Variants in TAF8 observed in about 807,000 individuals in gnomAD.
The protein encoded by TAF8 is TATA-box binding protein associated factor 8, also known as transcription initiation factor TFIID subunit 8.
A neutral mutation model predicts 36.5 loss-of-function variants in TAF8; 47 were observed. The ratio of observed to expected loss-of-function variants is 1.29; its 90% CI spans 1.02 to 1.64. TAF8 has a LOEUF of 1.64. Among genes scored for constraint, TAF8 ranks in the 40% most tolerant of loss-of-function variants. The pLI is 0.00. For missense variants in TAF8, 420 were observed against 407.6 expected, an observed-to-expected ratio of 1.03 and a Z score of -0.26; for synonymous variants, 175 against 159.5, an observed-to-expected ratio of 1.10 and a Z score of -0.73.
In TAF8 at chr6:42,058,983, C is replaced by G. The variant is rs533209260; in HGVS notation, c.489+1470C>G. 7.2e-5 allele frequency among the ~76,000 whole-genome samples: 11 copies of G among 152,146 alleles called. No individual in the cohort carries two copies. In the South Asian group the frequency reaches 1.0e-3, roughly 14 times the overall value. On this transcript the variant is annotated intron_variant, in intron 5 of 8. Coordinates refer to ENST00000372977, the MANE Select transcript of TAF8 (RefSeq NM_138572.3). ...GGGGGAGACTGGAGTTTTATTATTACTCAAATCAGTCTTCCCCAGCATTCG... is the reference window on the plus strand; with the variant it reads ...GGGGGAGACTGGAGTTTTATTATTAGTCAAATCAGTCTTCCCCAGCATTCG...
rs1272525469 is a variant in TAF8, at chr6:42,057,504, C to T, written c.480C>T (p.Ile160=). The T allele has an allele frequency of 3.7e-6, 6 of 1,614,010 alleles. No individual in the cohort carries two copies. The South Asian group carries it at 6.6e-5, about 18-fold the overall frequency. Residue 160 remains isoleucine, a synonymous_variant, in exon 5 of 9, where the codon ATC becomes ATT. Transcript: ENST00000372977. The part of the protein sequence containing the change: ...FPEFPDPHTY[I]KTPTYREPVS... ...AGTTCCCTGATCCCCACACCTACAT[C>T]AAAACTCCGGTGAGTGATGAAGCAC...
downstream of TAF8, chr6:42,087,205 C>T: frequency 5.3e-6 from 1 of 188,882 alleles, no homozygotes; most frequent in Non-Finnish European, 1.1e-5. Context: ...CCTGCTTCTC[C>T]TCACAGGGCC....
At chr6:42,070,496 G>T (rs756675098) in intron 7 of TAF8, among the ~76,000 whole-genome samples, 1 of 152,120 alleles carries the variant, frequency 6.6e-6, no homozygotes, top group Non-Finnish European at 1.5e-5. Context: ...TGTCTCAAAA[G>T]AAAAGAACTG....
chr6:42,086,138 A>G (rs542906201), downstream of TAF8, among the ~76,000 whole-genome samples: 1 of 152,296 alleles, frequency 6.6e-6, no homozygotes, highest in South Asian at 2.1e-4. Flanking sequence ...TAAGCCACCC[A>G]GTTTCTAGTA....
In TAF8 at chr6:42,060,190, C is replaced by A. The variant is rs188684108; in HGVS notation, c.489+2677C>A. On this transcript the variant is annotated intron_variant, in intron 5 of 8. Transcript: ENST00000372977. ...TTTGGAAGCACTAGTTTGGGGACTT[C>A]TAACCCACAAAGACTTTAGAATTTA... Among the ~76,000 whole-genome samples the A allele has an allele frequency of 1.1e-3, 163 of 152,296 alleles. 1 individual carries two copies. In the Middle Eastern group the frequency reaches 0.014, roughly 13 times the overall value.
rs9471752 is a variant in TAF8, at chr6:42,081,204, T to C, written c.*3659T>C. 13,149 of 154,676 alleles carry C rather than the reference T, an allele frequency of 0.085. 995 individuals are homozygous for C. Among genetic ancestry groups the C allele is most frequent in the African/African-American group, 0.2 (8,332 of 41,458 alleles). The allele number at this position is 154,676 out of a possible 1,614,324, so 9.6% of individuals were successfully genotyped here. A position where few individuals can be genotyped will look rare whatever the true frequency, so the allele number is the denominator to read the frequency against. The stretch of plus-strand genomic sequence containing the variant: ...GTGTGTGTGTGTGCGTGTGTGTGCG[T>C]GTGAGACAGAGTTTCGCGCTGGAGT... On this transcript the variant is annotated 3_prime_UTR_variant, in exon 9 of 9. Transcript: ENST00000372977.
rs1765941001 is a variant in TAF8, at chr6:42,082,070, C to T, written c.*4525C>T. ...ATGTAGATGGTATATTAGTACAATG[C>T]ATAGAGCTTATTTAGTTTTCACCAT... On this transcript the variant is annotated 3_prime_UTR_variant, in exon 9 of 9. Coordinates refer to ENST00000372977, the MANE Select transcript of TAF8 (RefSeq NM_138572.3). 1 of 152,156 alleles carries T rather than the reference C, an allele frequency of 6.6e-6. No homozygotes were observed. The highest frequency in any genetic ancestry group is 2.4e-5 in the African/African-American group (1 of 41,422). 9.4% of individuals were successfully genotyped at this position (152,156 alleles called of 1,614,324 possible).
downstream of TAF8, among the ~76,000 whole-genome samples, chr6:42,084,386 A>T (rs1386535501): frequency 3.9e-5 from 6 of 152,108 alleles, no homozygotes; most frequent in African/African-American, 1.4e-4. Flanking sequence ...TGATATCCTA[A>T]TGAGGTTGGG....
downstream of TAF8, chr6:42,087,078 G>A (rs1010426940): frequency 1.3e-5 from 5 of 384,128 alleles, no homozygotes; most frequent in East Asian, 5.1e-5. Flanking sequence ...CTCGCCTGAA[G>A]CCTTCCTCTG....
At chr6:42,077,305 G>A (rs1362701902) in intron 8 of TAF8, 66 bp downstream of exon 8, 1 of 1,561,974 alleles carries the variant, frequency 6.4e-7, no homozygotes, top group African/African-American at 1.4e-5. Flanking sequence ...TCTGCTTCTT[G>A]GAAGAGTCTC....
At position 42,079,309 on chromosome 6, in the gene TAF8, A is replaced by C; in HGVS notation, c.*1764A>C. On this transcript the variant is annotated 3_prime_UTR_variant, in exon 9 of 9. Coordinates refer to ENST00000372977, the MANE Select transcript of TAF8 (RefSeq NM_138572.3). ...GCAAGAAGCAGGTCTGAGTCTGTCCAACCAATTTGTATCCTGTGGGGAGAA... is the reference window on the plus strand; with the variant it reads ...GCAAGAAGCAGGTCTGAGTCTGTCCCACCAATTTGTATCCTGTGGGGAGAA... 2.0e-6 allele frequency: 2 copies of C among 985,502 alleles called. No individual in the cohort carries two copies. Among genetic ancestry groups the C allele is most frequent in the Non-Finnish European group, 2.4e-6 (2 of 829,934 alleles). 61.0% of individuals were successfully genotyped at this position (985,502 alleles called of 1,614,324 possible). A position where few individuals can be genotyped will look rare whatever the true frequency, so the allele number is the denominator to read the frequency against.
chr6:42,056,079 G>C, intron 4 of TAF8, 65 bp downstream of exon 4: 1 of 1,062,122 alleles, frequency 9.4e-7, no homozygotes, highest in Non-Finnish European at 1.5e-6. Context: ...TGAAGTAATT[G>C]AATATGGTAG....
Position 42,057,496 on chromosome 6 carries a change from A to G in TAF8, c.472A>G (p.Thr158Ala). Residue 158 changes from threonine to alanine, a missense_variant, in exon 5 of 9, where the codon ACC (threonine) becomes GCC (alanine). Transcript: ENST00000372977. Reference sequence around the variant, plus strand: ...TTTTCCTGAGTTCCCTGATCCCCACACCTACATCAAAACTCCGGTGAGTGA... The same window carrying G: ...TTTTCCTGAGTTCCCTGATCCCCACGCCTACATCAAAACTCCGGTGAGTGA... ...SHFPEFPDPH[T>A]YIKTPTYREP... 3 of 1,613,988 alleles carry G rather than the reference A, an allele frequency of 1.9e-6. No homozygotes were observed. The highest frequency in any genetic ancestry group is 1.7e-6 in the Non-Finnish European group (2 of 1,180,000).
At chr6:42,066,256 T>C in intron 5 of TAF8, 56 bp from the exon 6 acceptor site, 20 of 1,601,838 alleles carry the variant, frequency 1.2e-5, no homozygotes, top group Non-Finnish European at 1.7e-5. Flanking sequence ...AGGGAGCTGA[T>C]GAAAGCAGAA....
intron 5 of TAF8, among the ~76,000 whole-genome samples, chr6:42,064,996 G>A (rs560099312): frequency 5.4e-5 from 8 of 146,836 alleles, no homozygotes; most frequent in Admixed American, 2.1e-4. Context: ...TCAGTATCAT[G>A]AAGAGTAGTT....
rs1247503346 is a variant in TAF8 at position 42,083,018 on chromosome 6, A to G, written c.*5473A>G. 6.6e-6 allele frequency: 1 copy of G among 152,198 alleles called. No homozygotes were observed. Among genetic ancestry groups the G allele is most frequent in the Non-Finnish European group, 1.5e-5 (1 of 68,042 alleles). The allele number at this position is 152,198 out of a possible 1,614,324, so 9.4% of individuals were successfully genotyped here. ...TAAACAGTTATTTAATTTTGAAGAG[A>G]TAATATATGTATACAGTATAAAATT... On this transcript the variant is annotated 3_prime_UTR_variant, in exon 9 of 9. Coordinates refer to ENST00000372977, the MANE Select transcript of TAF8 (RefSeq NM_138572.3).
intron 7 of TAF8, among the ~76,000 whole-genome samples, chr6:42,072,940 G>A (rs1765630702): frequency 6.6e-6 from 1 of 151,554 alleles, no homozygotes; most frequent in South Asian, 2.1e-4. Flanking sequence ...AGCCAGGATG[G>A]TCTCGATCTC....
At chr6:42,067,321 C>T (rs983691166) in intron 6 of TAF8, among the ~76,000 whole-genome samples, 6 of 152,170 alleles carry the variant, frequency 3.9e-5, no homozygotes, top group African/African-American at 1.4e-4. Flanking sequence ...CGGGTTCCAG[C>T]GATTCTTCTG....
downstream of TAF8, chr6:42,086,718 G>A: frequency 6.4e-7 from 1 of 1,551,180 alleles, no homozygotes; most frequent in Non-Finnish European, 8.7e-7. Context: ...ACGTTCCTCA[G>A]GCCAGATACA....
Sources: gnomAD v4.1 joint callset for allele counts (sites outside exome capture counted in the v4.1 genomes callset) on GRCh38, gnomAD v4.1.1 for gene constraint, MANE v1.5 for transcripts, NCBI Gene and HGNC (gene_info 2026-07-23, HGNC 2026-07-21) for gene names.